NTF3: variants seen among roughly 807,000 people sequenced by gnomAD.
NTF3 encodes neurotrophin-3.
NTF3 carries 8 observed loss-of-function variants against 26.3 expected under a neutral mutation model. The observed-to-expected ratio is 0.30, with a 90% CI of 0.18 to 0.55. The LOEUF (loss-of-function observed/expected upper bound fraction) is 0.55. NTF3 is among the 20% of genes least tolerant of loss of function. The pLI is 0.93. For synonymous variants in NTF3, 154 were observed against 145.5 expected (o/e 1.06, Z -0.42); for missense variants, 276 against 352.9 (o/e 0.78, Z 1.75).
rs1051583873 is a variant in NTF3, at chr12:5,494,388, T to C, written c.213T>C (p.Asn71=). 40 of 1,613,526 alleles carry C rather than the reference T, an allele frequency of 2.5e-5. No individual in the cohort carries two copies. The highest frequency in any genetic ancestry group is 3.2e-5 in the Non-Finnish European group (38 of 1,179,930). ...AGCAGATGGTGGACGTTAAGGAAAATTACCAGAGCACCCTGCCCAAAGCTG... is the reference window on the plus strand; with the variant it reads ...AGCAGATGGTGGACGTTAAGGAAAACTACCAGAGCACCCTGCCCAAAGCTG... ...LSKQMVDVKE[N]YQSTLPKAEA... The change falls in exon 2 of 2, where the codon AAT becomes AAC. Residue 71 remains asparagine, a synonymous_variant. Transcript: ENST00000423158. This position sits in a 1 kb window ranked among gnomAD's most constrained non-coding sequence, Gnocchi z 8.3.
At position 5,486,880 on chromosome 12, in the gene NTF3, G is replaced by GGTGTGTGTGT. The variant is rs10527557; in HGVS notation, c.19-7283_19-7274dup. On this transcript the variant is annotated intron_variant, in intron 1 of 1. Coordinates refer to ENST00000423158, the MANE Select transcript of NTF3 (RefSeq NM_001102654.2). ...CCATCCTCACCTCAGGTAGTTACGT[G>GGTGTGTGTGT]GTGTGTGTGTGTGTGTGTGTGTGTG... Among the ~76,000 whole-genome samples the GGTGTGTGTGT allele has an allele frequency of 2.4e-4, 36 of 148,810 alleles. No individual in the cohort carries two copies. The Middle Eastern group carries it at 0.031, about 128-fold the overall frequency.
chr12:5,493,589 G>A (rs764612610), intron 1 of NTF3, among the ~76,000 whole-genome samples: 30 of 152,138 alleles, frequency 2.0e-4, no homozygotes, highest in Non-Finnish European at 4.3e-4. Flanking sequence ...CGCGGAGTGG[G>A]TAGTGGCCCT....
At chr12:5,493,907 T>G (rs938243115) in intron 1 of NTF3, among the ~76,000 whole-genome samples, 4 of 152,018 alleles carry the variant, frequency 2.6e-5, no homozygotes, top group African/African-American at 9.7e-5. Context: ...CGGTAGGACA[T>G]CGTCCACCCA....
intron 1 of NTF3, among the ~76,000 whole-genome samples, chr12:5,480,098 C>A (rs1701734029): frequency 6.6e-6 from 1 of 152,200 alleles, no homozygotes; most frequent in African/African-American, 2.4e-5. Context: ...CCCTCCAGAG[C>A]TGTTGAACGC....
At position 5,494,627 on chromosome 12, in the gene NTF3, G is replaced by A; in HGVS notation, c.452G>A (p.Arg151Gln). ...VVANRTSRRK[R>Q]YAEHKSHRGE... is the part of the protein sequence containing the mutation. ...GCGAACAGAACATCACGGCGGAAAC[G>A]GTACGCGGAGCATAAGAGTCACCGA... Residue 151 changes from arginine (R) to glutamine (Q), a missense_variant, in exon 2 of 2, where the codon CGG becomes CAG. Coordinates refer to ENST00000423158, the MANE Select transcript of NTF3 (RefSeq NM_001102654.2). This position sits in a 1 kb window ranked among gnomAD's most constrained non-coding sequence, Gnocchi z 8.3. The A allele has an allele frequency of 6.2e-7, 1 of 1,614,130 alleles. No homozygotes were observed. Among genetic ancestry groups the A allele is most frequent in the Non-Finnish European group, 8.5e-7 (1 of 1,180,028 alleles).
chr12:5,435,354 A>C (rs1429634904), intron 1 of NTF3, among the ~76,000 whole-genome samples: 1 of 152,240 alleles, frequency 6.6e-6, no homozygotes, highest in Non-Finnish European at 1.5e-5. Flanking sequence ...CTCCAGGCTC[A>C]GTAAAACTGA....
chr12:5,491,684 C>A (rs1312869997), intron 1 of NTF3, among the ~76,000 whole-genome samples: 1 of 151,290 alleles, frequency 6.6e-6, no homozygotes, highest in Non-Finnish European at 1.5e-5. Context: ...GTGCAGAGAA[C>A]CCCTCTCACT....
At chr12:5,464,707 G>A (rs1223117631) in intron 1 of NTF3, among the ~76,000 whole-genome samples, 1 of 152,164 alleles carries the variant, frequency 6.6e-6, no homozygotes, top group Non-Finnish European at 1.5e-5. Flanking sequence ...TGTCATCACA[G>A]CTCAGGGTGA....
chr12:5,466,080 A>G (rs1250534463), intron 1 of NTF3, among the ~76,000 whole-genome samples: 1 of 152,162 alleles, frequency 6.6e-6, no homozygotes, highest in Non-Finnish European at 1.5e-5. Context: ...AGAATATCAG[A>G]CCAAGATGGC....
intron 1 of NTF3, among the ~76,000 whole-genome samples, chr12:5,487,180 T>C (rs6489628): frequency 0.44 from 66,331 of 152,072 alleles, 14,522 homozygotes; most frequent in South Asian, 0.51. Flanking sequence ...TTTGCCAAGA[T>C]GGGGCTAAGC....
At chr12:5,451,146 C>G (rs1481994748) in intron 1 of NTF3, among the ~76,000 whole-genome samples, 1 of 152,162 alleles carries the variant, frequency 6.6e-6, no homozygotes, top group African/African-American at 2.4e-5. Flanking sequence ...TAAGCTACCT[C>G]AAGTTTCTCA....
intron 1 of NTF3, among the ~76,000 whole-genome samples, chr12:5,484,225 T>C (rs1026297461): frequency 6.6e-6 from 1 of 152,066 alleles, no homozygotes; most frequent in Non-Finnish European, 1.5e-5. Context: ...GCAAGTCACT[T>C]CCCCCCATAA....
intron 1 of NTF3, among the ~76,000 whole-genome samples, chr12:5,490,910 G>A (rs191024217): frequency 7.9e-5 from 12 of 152,324 alleles, no homozygotes; most frequent in Admixed American, 6.5e-4. Context: ...GCCCGTGTGC[G>A]TCAAGGGCAG....
intron 1 of NTF3, among the ~76,000 whole-genome samples, chr12:5,437,800 G>GC (rs1940188746): frequency 6.6e-6 from 1 of 152,232 alleles, no homozygotes; most frequent in Non-Finnish European, 1.5e-5. Context: ...TAAGCCCCGT[G>GC]TGGTGCTGCT....
intron 1 of NTF3, among the ~76,000 whole-genome samples, chr12:5,450,778 A>T (rs544093491): frequency 6.6e-6 from 1 of 152,318 alleles, no homozygotes; most frequent in Admixed American, 6.5e-5. Flanking sequence ...CTGAGAAACT[A>T]TGCTGTACTT....
intron 1 of NTF3, among the ~76,000 whole-genome samples, chr12:5,459,575 C>T (rs1218757953): frequency 5.7e-4 from 87 of 152,296 alleles, no homozygotes; most frequent in Admixed American, 5.6e-3. Flanking sequence ...GTGCATATTG[C>T]GTCATTGCCT....
At position 5,493,470 on chromosome 12, in the gene NTF3, T is replaced by G. The variant is rs372599940; in HGVS notation, c.19-724T>G. On this transcript the variant is annotated intron_variant, in intron 1 of 1. Coordinates refer to ENST00000423158, the MANE Select transcript of NTF3 (RefSeq NM_001102654.2). Reference sequence around the variant, plus strand: ...CATCTCTGTCTTCTGCAAGTAGTGCTGTGGCAGAGCTGCGTTTTGTGGAGA... The same window carrying G: ...CATCTCTGTCTTCTGCAAGTAGTGCGGTGGCAGAGCTGCGTTTTGTGGAGA... Among the ~76,000 whole-genome samples, 28 of 152,344 alleles carry G rather than the reference T, an allele frequency of 1.8e-4. No homozygotes were observed. The East Asian group carries it at 4.4e-3, about 24-fold the overall frequency.
intron 1 of NTF3, among the ~76,000 whole-genome samples, chr12:5,485,461 C>T (rs34485756): frequency 0.41 from 63,094 of 152,044 alleles, 13,217 homozygotes; most frequent in South Asian, 0.51. Context: ...AGAAAAAGTA[C>T]TTAATCCTTC....
At chr12:5,484,855 C>T (rs1940849397) in intron 1 of NTF3, among the ~76,000 whole-genome samples, 2 of 152,176 alleles carry the variant, frequency 1.3e-5, no homozygotes, top group South Asian at 4.1e-4. Flanking sequence ...CCAAGATGCA[C>T]AGTGATTCTC....
Sources: allele counts gnomAD v4.1 joint callset (sites outside exome capture counted in the v4.1 genomes callset), GRCh38; gene constraint gnomAD v4.1.1; non-coding constraint Gnocchi (gnomAD v3.1); transcripts MANE v1.5; gene names NCBI Gene and HGNC (gene_info 2026-07-23, HGNC 2026-07-21).